Variants in FKTN observed in about 807,000 individuals in gnomAD.
FKTN encodes ribitol-5-phosphate transferase FKTN.
Under a neutral mutation model 58.6 loss-of-function variants are expected in FKTN, and 47 were observed. The observed-to-expected ratio is 0.80, with a 90% CI of 0.63 to 1.02. The LOEUF (loss-of-function observed/expected upper bound fraction) is 1.02. FKTN is among the 50% of genes least tolerant of loss of function. The pLI, the probability that FKTN is intolerant of heterozygous loss-of-function variation, is 0.00. For synonymous variants in FKTN, 178 were observed against 191.9 expected (o/e 0.93, Z 0.60); for missense variants, 516 against 537.3 (o/e 0.96, Z 0.39).
At chr9:105,582,807 C>T (rs1164460790) in intron 3 of FKTN, among the ~76,000 whole-genome samples, 1 of 152,050 alleles carries the variant, frequency 6.6e-6, no homozygotes, top group African/African-American at 2.4e-5. Flanking sequence ...TAAGGATAAG[C>T]AGTATACCTG....
In FKTN at chr9:105,635,787, A is replaced by C; in HGVS notation, c.*523A>C. On this transcript the variant is annotated 3_prime_UTR_variant, in exon 11 of 11. Transcript: ENST00000357998. The stretch of plus-strand genomic sequence containing the variant: ...TTGAGTGACATCAAGAAAAGATGAT[A>C]TCAGGTTCATTTTTCAACTAATCTT... 7 of 1,002,666 alleles carry C rather than the reference A, an allele frequency of 7.0e-6. No individual in the cohort carries two copies. The highest frequency in any genetic ancestry group is 8.3e-6 in the Non-Finnish European group (7 of 839,078). The allele number at this position is 1,002,666 out of a possible 1,614,324, so 62.1% of individuals were successfully genotyped here.
intron 5 of FKTN, among the ~76,000 whole-genome samples, chr9:105,601,856 A>G (rs1827927702): frequency 6.6e-6 from 1 of 152,248 alleles, no homozygotes; most frequent in Non-Finnish European, 1.5e-5. Flanking sequence ...AATGAAGTTC[A>G]TAGAAATTAT....
Position 105,594,437 on chromosome 9 carries a change from C to A in FKTN, c.106-2161C>A, listed in dbSNP as rs184142368. On this transcript the variant is annotated intron_variant, in intron 3 of 10. Transcript: ENST00000357998. Reference sequence around the variant, plus strand: ...TATGATTTCTGGGCAGAATTAAAGCCCCACTTGGGATTAGTAGTCATGAAT... The same window carrying A: ...TATGATTTCTGGGCAGAATTAAAGCACCACTTGGGATTAGTAGTCATGAAT... 4.0e-3 allele frequency among the ~76,000 whole-genome samples: 604 copies of A among 152,112 alleles called. 3 individuals carry two copies. Among genetic ancestry groups the A allele is most frequent in the African/African-American group, 0.014 (582 of 41,466 alleles).
intron 10 of FKTN, among the ~76,000 whole-genome samples, chr9:105,620,719 T>C (rs1252749665): frequency 6.6e-6 from 1 of 151,890 alleles, no homozygotes; most frequent in African/African-American, 2.4e-5. Context: ...AGCTTTGAGG[T>C]GTGTCAGGAG....
At chr9:105,610,884 C>A (rs1459034753) in intron 7 of FKTN, among the ~76,000 whole-genome samples, 4 of 152,022 alleles carry the variant, frequency 2.6e-5, no homozygotes, top group Admixed American at 1.3e-4. Flanking sequence ...TAATTATTTT[C>A]TCAATCTACC....
chr9:105,595,602 T>G (rs567629276), intron 3 of FKTN, among the ~76,000 whole-genome samples: 56 of 152,298 alleles, frequency 3.7e-4, no homozygotes, highest in African/African-American at 1.3e-3. Flanking sequence ...TCTTAATTAC[T>G]TAGTATCTTC....
intron 10 of FKTN, among the ~76,000 whole-genome samples, chr9:105,628,311 G>T (rs78961648): frequency 0.027 from 4,058 of 152,098 alleles, 192 homozygotes; most frequent in African/African-American, 0.093. Context: ...CCTCCAAACC[G>T]CTAGTAAGTA....
chr9:105,622,108 T>A lies in FKTN; in HGVS notation c.1172+2047T>A, dbSNP rs1364304531. On this transcript the variant is annotated intron_variant, in intron 10 of 10. Coordinates refer to ENST00000357998, the MANE Select transcript of FKTN (RefSeq NM_001079802.2). ...TGTAAAGAGAGGTAAACTTGCTCAA[T>A]ATTTGCCACTAATCAGTAACTTATC... Among the ~76,000 whole-genome samples the A allele has an allele frequency of 2.0e-5, 3 of 152,098 alleles. No homozygotes were observed. The East Asian group carries it at 5.8e-4, about 29-fold the overall frequency.
chr9:105,626,650 C>A (rs1832777521), intron 10 of FKTN, among the ~76,000 whole-genome samples: 5 of 152,184 alleles, frequency 3.3e-5, no homozygotes, highest in African/African-American at 1.2e-4. Flanking sequence ...TGTTCAATTT[C>A]AGCATATTGT....
At chr9:105,634,433 C>T (rs1219837541) in intron 10 of FKTN, among the ~76,000 whole-genome samples, 1 of 152,112 alleles carries the variant, frequency 6.6e-6, no homozygotes, top group Non-Finnish European at 1.5e-5. Context: ...CACGACCGGC[C>T]TGGTTTAATT....
At chr9:105,585,113 G>A in intron 3 of FKTN, among the ~76,000 whole-genome samples, 1 of 139,356 alleles carries the variant, frequency 7.2e-6, no homozygotes, top group African/African-American at 2.6e-5. Context: ...CTCTATGCCA[G>A]TAGGAAAAAA....
chr9:105,578,677 G>A (rs912853130), intron 3 of FKTN, among the ~76,000 whole-genome samples: 2 of 151,770 alleles, frequency 1.3e-5, no homozygotes, highest in East Asian at 1.9e-4. Context: ...GAATGATGCT[G>A]GCCTCATAAA....
Position 105,638,588 on chromosome 9 carries a change from A to G in FKTN, c.*3324A>G, listed in dbSNP as rs866785477. The G allele has an allele frequency of 3.0e-5, 30 of 985,160 alleles. No individual in the cohort carries two copies. Among genetic ancestry groups the G allele is most frequent in the Middle Eastern group, 5.2e-4 (1 of 1,936 alleles). 61.0% of individuals were successfully genotyped at this position (985,160 alleles called of 1,614,324 possible). ...CCCCTTCCTGAAGTGACCTTTTATG[A>G]GGCTCTTTCCTTCCTAAGGGACCTT... On this transcript the variant is annotated 3_prime_UTR_variant, in exon 11 of 11. Transcript: ENST00000357998.
rs549652338 is a variant in FKTN at position 105,565,893 on chromosome 9, A to T, written c.-181+7728A>T. ...ACTTACTCCAAAGTTGACCACATAT[A>T]TGGAAGTAAAGCACTCCTCAGCAAA... is the stretch of plus-strand genomic sequence containing the variant. On this transcript the variant is annotated intron_variant, in intron 1 of 10. Transcript: ENST00000357998. 3.3e-4 allele frequency among the ~76,000 whole-genome samples: 51 copies of T among 152,244 alleles called. No homozygotes were observed. In the East Asian group the frequency reaches 3.5e-3, roughly 10 times the overall value.
At chr9:105,588,521 T>C (rs1365483980) in intron 3 of FKTN, among the ~76,000 whole-genome samples, 1 of 152,224 alleles carries the variant, frequency 6.6e-6, no homozygotes, top group Non-Finnish European at 1.5e-5. Flanking sequence ...AACTCACAAA[T>C]TGGGAAATTT....
intron 1 of FKTN, among the ~76,000 whole-genome samples, chr9:105,563,567 C>T (rs1838728345): frequency 6.6e-6 from 1 of 151,386 alleles, no homozygotes; most frequent in Non-Finnish European, 1.5e-5. Flanking sequence ...GCACAGCAGT[C>T]TGAGATTGAA....
intron 6 of FKTN, 132 bp downstream of exon 6, chr9:105,604,624 T>C: frequency 1.3e-6 from 1 of 758,768 alleles, no homozygotes; most frequent in Non-Finnish European, 2.1e-6. Context: ...TTATTCTTAA[T>C]GACTCCAAAT....
chr9:105,565,879 A>C (rs1839486297), intron 1 of FKTN, among the ~76,000 whole-genome samples: 1 of 152,224 alleles, frequency 6.6e-6, no homozygotes, highest in Non-Finnish European at 1.5e-5. Flanking sequence ...CTTACTCCAA[A>C]GTTGACCACA....
intron 10 of FKTN, among the ~76,000 whole-genome samples, chr9:105,632,630 A>G (rs1011170778): frequency 1.3e-5 from 2 of 152,070 alleles, no homozygotes; most frequent in Admixed American, 1.3e-4. Flanking sequence ...AAATTATCCA[A>G]CTACCACCAA....
Sources: gnomAD v4.1 joint callset for allele counts (sites outside exome capture counted in the v4.1 genomes callset) on GRCh38, gnomAD v4.1.1 for gene constraint, MANE v1.5 for transcripts, NCBI Gene and HGNC (gene_info 2026-07-23, HGNC 2026-07-21) for gene names.